Variants in IAPP observed in about 807,000 individuals in gnomAD.
The protein encoded by IAPP is islet amyloid polypeptide, also known as Islet amyloid polypeptide (diabetes-associated peptide; amylin).
In IAPP, 4 loss-of-function variants were observed where a neutral mutation model predicts 2.9. That is an observed-to-expected ratio of 1.39 (90% CI 0.69 to 3.19). IAPP has a LOEUF of 3.19. IAPP is among the 30% of genes most tolerant of loss of function. The pLI is 0.01. For missense variants in IAPP, 114 were observed against 105.3 expected (o/e 1.08, Z -0.36); for synonymous variants, 40 against 42.1 (o/e 0.95, Z 0.19).
At chr12:21,359,555 C>T (rs1938648076) in intron 1 of IAPP, among the ~76,000 whole-genome samples, 1 of 152,136 alleles carries the variant, frequency 6.6e-6, no homozygotes, top group African/African-American at 2.4e-5. Flanking sequence ...AACACCCAAT[C>T]AACATTGTAG....
intron 1 of IAPP, among the ~76,000 whole-genome samples, chr12:21,359,689 G>T (rs543859807): frequency 6.6e-5 from 10 of 151,788 alleles, no homozygotes; most frequent in African/African-American, 1.2e-4. Flanking sequence ...AGAGCTTGCA[G>T]TGAGCCGAGA....
intron 1 of IAPP, among the ~76,000 whole-genome samples, chr12:21,365,155 G>T (rs1377455980): frequency 6.6e-6 from 1 of 152,096 alleles, no homozygotes; most frequent in Non-Finnish European, 1.5e-5. Flanking sequence ...TATACTACAA[G>T]GCTACAGTAA....
chr12:21,363,344 G>C lies in IAPP; in HGVS notation c.-16+8331G>C, dbSNP rs543813919. ...CAGAAATAAAGATGTTCTTTGAAACGAATGAGAACAAAGACACAACATACC... is the reference window on the plus strand; with the variant it reads ...CAGAAATAAAGATGTTCTTTGAAACCAATGAGAACAAAGACACAACATACC... On this transcript the variant is annotated intron_variant, in intron 1 of 2. Transcript: ENST00000539393. Among the ~76,000 whole-genome samples the C allele has an allele frequency of 8.7e-3, 1,323 of 152,038 alleles. 16 individuals are homozygous for C. The highest frequency in any genetic ancestry group is 0.03 in the African/African-American group (1,238 of 41,452).
In IAPP at chr12:21,372,961, A is replaced by T. The variant is rs547030424; in HGVS notation, c.-59A>T. 7 of 241,360 alleles carry T rather than the reference A, an allele frequency of 2.9e-5. No homozygotes were observed. The highest frequency in any genetic ancestry group is 4.0e-5 in the Non-Finnish European group (5 of 124,066). 15.0% of individuals were successfully genotyped at this position (241,360 alleles called of 1,614,324 possible). ...ACTCTTTTCTTGAAGCTTTCTTTCT[A>T]TCAGAAGCATTTGCTGATATTGCTG... is the stretch of plus-strand genomic sequence containing the variant. On this transcript the variant is annotated 5_prime_UTR_variant, in exon 1 of 3. Coordinates refer to ENST00000240652, the MANE Select transcript of IAPP (RefSeq NM_000415.3).
At chr12:21,357,762 G>A (rs1238597867) in intron 1 of IAPP, among the ~76,000 whole-genome samples, 6 of 152,034 alleles carry the variant, frequency 3.9e-5, no homozygotes, top group African/African-American at 1.2e-4. Context: ...CCTTTCTAAA[G>A]CTCCTAATCT....
chr12:21,377,125 C>T (rs1418437129), intron 2 of IAPP, among the ~76,000 whole-genome samples: 3 of 152,046 alleles, frequency 2.0e-5, no homozygotes, highest in Admixed American at 6.6e-5. Flanking sequence ...TATTATTATG[C>T]ACTTCTTCCA....
In IAPP at chr12:21,378,670, C is replaced by G. The variant is rs1940386231; in HGVS notation, c.*244C>G. 4 of 428,494 alleles carry G rather than the reference C, an allele frequency of 9.3e-6. No homozygotes were observed. Among genetic ancestry groups the G allele is most frequent in the Middle Eastern group, 1.3e-3 (2 of 1,524 alleles). 26.5% of individuals were successfully genotyped at this position (428,494 alleles called of 1,614,324 possible). A position where few individuals can be genotyped will look rare whatever the true frequency, so the allele number is the denominator to read the frequency against. On this transcript the variant is annotated 3_prime_UTR_variant, in exon 3 of 3. Coordinates refer to ENST00000240652, the MANE Select transcript of IAPP (RefSeq NM_000415.3). The stretch of plus-strand genomic sequence containing the variant: ...TTTGTATTTTAAAACATAAGAACGT[C>G]ATTTTGGGACCTATATCTCAGTGGC...
intron 1 of IAPP, among the ~76,000 whole-genome samples, chr12:21,363,561 T>G (rs968962734): frequency 4.0e-5 from 6 of 151,680 alleles, no homozygotes; most frequent in African/African-American, 1.5e-4. Context: ...AGAACTGAAG[T>G]AGATAGAGAC....
intron 2 of IAPP, chr12:21,376,454 T>C (rs1308039878): frequency 5.4e-6 from 1 of 184,544 alleles, no homozygotes; most frequent in Non-Finnish European, 1.2e-5. Flanking sequence ...ACATTGGTCA[T>C]ATTTATGGTA....
chr12:21,361,542 T>C (rs1490475422), intron 1 of IAPP, among the ~76,000 whole-genome samples: 2 of 152,170 alleles, frequency 1.3e-5, no homozygotes, highest in African/African-American at 4.8e-5. Context: ...GAGAATGACT[T>C]TGACGAGTTG....
intron 1 of IAPP, among the ~76,000 whole-genome samples, chr12:21,366,799 GA>G (rs1812954522): frequency 1.3e-5 from 2 of 151,708 alleles, no homozygotes. Context: ...TTTTTTTATG[GA>G]AAAGTTGGTA....
intron 1 of IAPP, among the ~76,000 whole-genome samples, chr12:21,363,939 T>G (rs1245849158): frequency 6.6e-6 from 1 of 152,096 alleles, no homozygotes; most frequent in Non-Finnish European, 1.5e-5. Flanking sequence ...CAGGACCAGA[T>G]GGATTCACAG....
chr12:21,357,993 T>A (rs1033734855), intron 1 of IAPP, among the ~76,000 whole-genome samples: 2 of 152,006 alleles, frequency 1.3e-5, no homozygotes, highest in Non-Finnish European at 2.9e-5. Context: ...CAGACTTTGG[T>A]GGGTGGGTGG....
intron 2 of IAPP, among the ~76,000 whole-genome samples, chr12:21,375,346 G>C (rs1029736660): frequency 1.3e-5 from 2 of 152,148 alleles, no homozygotes; most frequent in Non-Finnish European, 2.9e-5. Context: ...TTGTCATGCT[G>C]AGATGTTAAA....
chr12:21,376,722 A>G (rs1940222471), intron 2 of IAPP, among the ~76,000 whole-genome samples: 1 of 152,100 alleles, frequency 6.6e-6, no homozygotes, highest in Non-Finnish European at 1.5e-5. Context: ...ATCTCTACTT[A>G]GAGATAGAGA....
chr12:21,364,698 A>G (rs1369634259), intron 1 of IAPP, among the ~76,000 whole-genome samples: 1 of 152,096 alleles, frequency 6.6e-6, no homozygotes, highest in African/African-American at 2.4e-5. Context: ...CTTCAGCAAA[A>G]TCTCAGGATA....
chr12:21,370,727 C>A (rs115798307), upstream of IAPP, among the ~76,000 whole-genome samples: 107 of 152,236 alleles, frequency 7.0e-4, 1 homozygote, highest in African/African-American at 2.6e-3. Flanking sequence ...GTATTTTTGT[C>A]TAAATGAACA....
chr12:21,355,917 A>G (rs1938327625), intron 1 of IAPP, among the ~76,000 whole-genome samples: 1 of 152,174 alleles, frequency 6.6e-6, no homozygotes, highest in South Asian at 2.1e-4. Flanking sequence ...TTAGAACTAA[A>G]CTAACTTAAT....
chr12:21,360,985 C>T (rs899562918), intron 1 of IAPP, among the ~76,000 whole-genome samples: 8 of 152,214 alleles, frequency 5.3e-5, no homozygotes, highest in South Asian at 2.1e-4. Context: ...TAAAAGGCAG[C>T]AGAAACTTCT....
Sources: gnomAD v4.1 joint callset for allele counts (sites outside exome capture counted in the v4.1 genomes callset) on GRCh38, gnomAD v4.1.1 for gene constraint, MANE v1.5 for transcripts, NCBI Gene and HGNC (gene_info 2026-07-23, HGNC 2026-07-21) for gene names.